The following LDLRAD3 variants were observed in gnomAD, a reference collection of about 807,000 sequenced individuals.
LDLRAD3 encodes low density lipoprotein receptor class A domain containing 3.
A neutral mutation model predicts 29.4 loss-of-function variants in LDLRAD3; 20 were observed. The ratio of observed to expected loss-of-function variants is 0.68; its 90% CI spans 0.48 to 0.99. The LOEUF (loss-of-function observed/expected upper bound fraction) is 0.99. Among genes scored for constraint, LDLRAD3 ranks in the 50% least tolerant of loss-of-function variants. LDLRAD3 has a pLI of 0.00. For synonymous variants in LDLRAD3, 157 were observed against 192.7 expected (o/e 0.81, Z 1.53); for missense variants, 420 against 454.3 (o/e 0.92, Z 0.69).
rs181294505 is a variant in LDLRAD3, at chr11:36,033,030, A to G, written c.47-3073A>G. Among the ~76,000 whole-genome samples, 96 of 152,052 alleles carry G rather than the reference A, an allele frequency of 6.3e-4. 1 individual carries two copies. The East Asian group carries it at 0.015, about 24-fold the overall frequency. ...GCTGGGATTACAGGTGTGCACCACC[A>G]CACCCGGCTAATTTTGTATTTTTAG... is the stretch of plus-strand genomic sequence containing the variant. On this transcript the variant is annotated intron_variant, in intron 1 of 5. Transcript: ENST00000315571.
chr11:36,061,022 C>T (rs892451871), intron 2 of LDLRAD3, among the ~76,000 whole-genome samples: 2 of 152,206 alleles, frequency 1.3e-5, no homozygotes, highest in Non-Finnish European at 2.9e-5. Context: ...ATCATTCCTG[C>T]CTCACAGTTT....
chr11:35,954,223 A>G (rs564894522), intron 1 of LDLRAD3, among the ~76,000 whole-genome samples: 1 of 152,342 alleles, frequency 6.6e-6, no homozygotes, highest in Admixed American at 6.5e-5. Flanking sequence ...TAAGCATACC[A>G]GAACAGTCAG....
chr11:36,217,800 A>G lies in LDLRAD3; in HGVS notation c.455-9285A>G, dbSNP rs879639545. 2.6e-5 allele frequency among the ~76,000 whole-genome samples: 4 copies of G among 152,180 alleles called. No homozygotes were observed. In the East Asian group the frequency reaches 7.7e-4, roughly 29 times the overall value. ...TGTTCCTTGGCTTGGTTGGGGCTGCATGATTCCAGTTTCTGCCTTCAACTT... is the reference window on the plus strand; with the variant it reads ...TGTTCCTTGGCTTGGTTGGGGCTGCGTGATTCCAGTTTCTGCCTTCAACTT... On this transcript the variant is annotated intron_variant, in intron 4 of 5. Coordinates refer to ENST00000315571, the MANE Select transcript of LDLRAD3 (RefSeq NM_174902.4).
chr11:36,021,783 C>A (rs1411440134), intron 1 of LDLRAD3, among the ~76,000 whole-genome samples: 1 of 152,186 alleles, frequency 6.6e-6, no homozygotes, highest in Non-Finnish European at 1.5e-5. Flanking sequence ...CTGTGACTTA[C>A]AGGCACATGC....
intron 4 of LDLRAD3, among the ~76,000 whole-genome samples, chr11:36,221,995 G>C (rs1217279646): frequency 6.6e-6 from 1 of 152,104 alleles, no homozygotes; most frequent in Non-Finnish European, 1.5e-5. Context: ...ATTTAGCCAG[G>C]CTGCAACTGA....
At chr11:36,053,398 T>C (rs143500405) in intron 2 of LDLRAD3, among the ~76,000 whole-genome samples, 1 of 152,312 alleles carries the variant, frequency 6.6e-6, no homozygotes, top group Non-Finnish European at 1.5e-5. Flanking sequence ...TGCAACTCTT[T>C]AAAGGTAGCT....
At chr11:36,039,032 T>C (rs927174919) in intron 2 of LDLRAD3, among the ~76,000 whole-genome samples, 10 of 151,004 alleles carry the variant, frequency 6.6e-5, no homozygotes, top group Non-Finnish European at 1.2e-4. Flanking sequence ...TGCAGTGGCG[T>C]GATCTCGGCT....
intron 4 of LDLRAD3, among the ~76,000 whole-genome samples, chr11:36,152,894 G>C (rs1854296731): frequency 6.6e-6 from 1 of 152,030 alleles, no homozygotes; most frequent in African/African-American, 2.4e-5. Flanking sequence ...TTCACAATTG[G>C]GGTGCTCTTG....
At chr11:35,975,532 C>G (rs1851464839) in intron 1 of LDLRAD3, among the ~76,000 whole-genome samples, 1 of 152,148 alleles carries the variant, frequency 6.6e-6, no homozygotes, top group South Asian at 2.1e-4. Flanking sequence ...ACCTACAGTT[C>G]CTGGCCAAAA....
At position 36,061,098 on chromosome 11, in the gene LDLRAD3, A is replaced by G. The variant is rs532304358; in HGVS notation, c.194-20555A>G. ...GAACACACAATAAACATTTAGTAAGAGTGTCTTCTTCCTCTTCCTCATTTA... is the reference window on the plus strand; with the variant it reads ...GAACACACAATAAACATTTAGTAAGGGTGTCTTCTTCCTCTTCCTCATTTA... On this transcript the variant is annotated intron_variant, in intron 2 of 5. Transcript: ENST00000315571. Among the ~76,000 whole-genome samples, 10 of 152,072 alleles carry G rather than the reference A, an allele frequency of 6.6e-5. No homozygotes were observed. In the South Asian group the frequency reaches 1.9e-3, roughly 28 times the overall value.
chr11:36,064,915 T>A (rs1025271386), intron 2 of LDLRAD3, among the ~76,000 whole-genome samples: 1 of 152,224 alleles, frequency 6.6e-6, no homozygotes. Flanking sequence ...TTTAACTGTA[T>A]TGAGGTTTGT....
rs145611180 is a variant in LDLRAD3, at chr11:36,124,004, G to A, written c.454+25543G>A. On this transcript the variant is annotated intron_variant, in intron 4 of 5. Coordinates refer to ENST00000315571, the MANE Select transcript of LDLRAD3 (RefSeq NM_174902.4). ...ACTGAAAGCAGACTAAATAAAAGGG[G>A]GAGGATGAAAAAAGAAGAGCTGCAA... Among the ~76,000 whole-genome samples the A allele has an allele frequency of 4.7e-4, 71 of 152,326 alleles. 1 individual carries two copies. Among genetic ancestry groups the A allele is most frequent in the African/African-American group, 1.7e-3 (69 of 41,580 alleles).
intron 4 of LDLRAD3, among the ~76,000 whole-genome samples, chr11:36,144,164 C>T (rs1244282680): frequency 5.3e-5 from 8 of 151,996 alleles, no homozygotes; most frequent in African/African-American, 1.7e-4. Flanking sequence ...CTCCTAACCG[C>T]GAGTGATCCG....
At chr11:36,043,652 A>G (rs1852410576) in intron 2 of LDLRAD3, among the ~76,000 whole-genome samples, 2 of 152,228 alleles carry the variant, frequency 1.3e-5, no homozygotes, top group South Asian at 4.1e-4. Flanking sequence ...AGACCATGTG[A>G]CAACAGAGGC....
At chr11:35,968,464 CA>C in intron 1 of LDLRAD3, 1 of 372,186 alleles carries the variant, frequency 2.7e-6, no homozygotes, top group South Asian at 2.7e-5. Flanking sequence ...CTGGAGTCCT[CA>C]AAATCTGATC....
At chr11:36,180,612 G>T (rs181044611) in intron 4 of LDLRAD3, among the ~76,000 whole-genome samples, 1 of 152,146 alleles carries the variant, frequency 6.6e-6, no homozygotes, top group East Asian at 1.9e-4. Flanking sequence ...CGGAGCGCAT[G>T]GACAGTTTTG....
Position 36,231,526 on chromosome 11 carries a change from T to G in LDLRAD3, c.*2129T>G, listed in dbSNP as rs1487596586. ...TCTTTCTGGTGCTCTGGAAGTTGTTTAGAGGAAAGAATTCTAATTTTAATT... is the reference window on the plus strand; with the variant it reads ...TCTTTCTGGTGCTCTGGAAGTTGTTGAGAGGAAAGAATTCTAATTTTAATT... On this transcript the variant is annotated 3_prime_UTR_variant, in exon 6 of 6. Coordinates refer to ENST00000315571, the MANE Select transcript of LDLRAD3 (RefSeq NM_174902.4). 1 of 152,178 alleles carries G rather than the reference T, an allele frequency of 6.6e-6. No individual in the cohort carries two copies. Among genetic ancestry groups the G allele is most frequent in the Non-Finnish European group, 1.5e-5 (1 of 68,030 alleles). The allele number at this position is 152,178 out of a possible 1,614,324, so 9.4% of individuals were successfully genotyped here.
intron 1 of LDLRAD3, among the ~76,000 whole-genome samples, chr11:36,001,475 A>T (rs1245139141): frequency 6.6e-6 from 1 of 152,204 alleles, no homozygotes; most frequent in Non-Finnish European, 1.5e-5. Context: ...ATGTATGTTT[A>T]CCTGAGTAGT....
chr11:36,115,968 A>T (rs1853668510), intron 4 of LDLRAD3, among the ~76,000 whole-genome samples: 1 of 152,184 alleles, frequency 6.6e-6, no homozygotes, highest in South Asian at 2.1e-4. Context: ...AAACATTAAG[A>T]GCCCAGGTTC....
Sources: allele counts gnomAD v4.1 joint callset (sites outside exome capture counted in the v4.1 genomes callset), GRCh38; gene constraint gnomAD v4.1.1; transcripts MANE v1.5; gene names NCBI Gene and HGNC (gene_info 2026-07-23, HGNC 2026-07-21).